TANGO6: variants seen among roughly 807,000 people sequenced by gnomAD.
The protein encoded by TANGO6 is transport and golgi organization 6 homolog.
In TANGO6, 90 loss-of-function variants were observed where a neutral mutation model predicts 114.2. The ratio of observed to expected loss-of-function variants is 0.79; its 90% CI spans 0.66 to 0.94. The LOEUF is 0.94. TANGO6 is among the 40% of genes least tolerant of loss of function. The pLI, the probability that TANGO6 is intolerant of heterozygous loss-of-function variation, is 0.00. For missense variants in TANGO6, 1,274 were observed against 1,315.3 expected, an observed-to-expected ratio of 0.97 and a Z score of 0.49; for synonymous variants, 477 against 509.8, an observed-to-expected ratio of 0.94 and a Z score of 0.87.
At chr16:68,941,401 GT>G (rs977754672) in intron 14 of TANGO6, among the ~76,000 whole-genome samples, 11 of 148,598 alleles carry the variant, frequency 7.4e-5, no homozygotes, top group South Asian at 2.1e-4. Flanking sequence ...AATCTATTAG[GT>G]TTTTTTTTTA....
At position 69,030,484 on chromosome 16, in the gene TANGO6, T is replaced by A. The variant is rs951081593; in HGVS notation, c.2994+7505T>A. ...GAGCAGCTGTGCAAAGGGCGTGAGA[T>A]GGCCTGACATGTTTAGGAAGGTTCC... On this transcript the variant is annotated intron_variant, in intron 16 of 17. Transcript: ENST00000261778. Among the ~76,000 whole-genome samples the A allele has an allele frequency of 2.0e-5, 3 of 151,800 alleles. No homozygotes were observed. In the Admixed American group the frequency reaches 2.0e-4, roughly 10 times the overall value.
chr16:68,983,990 G>A (rs978657110), intron 15 of TANGO6, among the ~76,000 whole-genome samples: 20 of 149,942 alleles, frequency 1.3e-4, no homozygotes, highest in African/African-American at 3.9e-4. Flanking sequence ...CCGAGATCAC[G>A]CCACTGCTCT....
intron 17 of TANGO6, among the ~76,000 whole-genome samples, chr16:69,067,328 G>A (rs1332782676): frequency 6.6e-6 from 1 of 151,542 alleles, no homozygotes; most frequent in Non-Finnish European, 1.5e-5. Context: ...GGCCAACATG[G>A]TGAAACCCCA....
At chr16:68,953,880 A>G (rs182102491) in intron 14 of TANGO6, among the ~76,000 whole-genome samples, 57 of 152,198 alleles carry the variant, frequency 3.7e-4, no homozygotes, top group Non-Finnish European at 5.7e-4. Flanking sequence ...ATTTTCCCTG[A>G]CAGCAAGGGA....
chr16:69,048,574 C>G (rs1000780284), intron 17 of TANGO6, among the ~76,000 whole-genome samples: 2 of 151,982 alleles, frequency 1.3e-5, no homozygotes, highest in Admixed American at 1.3e-4. Flanking sequence ...CTGAGGCAAA[C>G]TCAGGCCTCC....
At chr16:68,883,415 G>GT (rs1315553883) in intron 7 of TANGO6, among the ~76,000 whole-genome samples, 6 of 151,814 alleles carry the variant, frequency 4.0e-5, no homozygotes, top group East Asian at 3.9e-4. Context: ...TACAATATGT[G>GT]TTTTTTTTGT....
At chr16:68,869,739 G>A (rs1354267650) in intron 4 of TANGO6, among the ~76,000 whole-genome samples, 1 of 152,062 alleles carries the variant, frequency 6.6e-6, no homozygotes, top group Non-Finnish European at 1.5e-5. Flanking sequence ...CTTTTTTTAT[G>A]GAAATGGCAT....
chr16:68,894,161 C>T (rs961463719), intron 7 of TANGO6, among the ~76,000 whole-genome samples: 6 of 152,174 alleles, frequency 3.9e-5, no homozygotes, highest in Non-Finnish European at 2.9e-5. Flanking sequence ...TGGCTGAGTT[C>T]GAAATGCAGC....
At chr16:69,011,385 T>C (rs1025659269) in intron 15 of TANGO6, among the ~76,000 whole-genome samples, 5 of 152,198 alleles carry the variant, frequency 3.3e-5, no homozygotes, top group African/African-American at 1.2e-4. Context: ...ATGACCTGTT[T>C]TAGTGAATTA....
intron 17 of TANGO6, among the ~76,000 whole-genome samples, chr16:69,075,793 C>CTCA (rs1192779617): frequency 1.4e-5 from 2 of 143,832 alleles, no homozygotes; most frequent in African/African-American, 5.2e-5. Context: ...GAGACAGAGT[C>CTCA]TCACTCTGTG....
chr16:68,866,620 A>G (rs1224903147), intron 3 of TANGO6, among the ~76,000 whole-genome samples: 1 of 126,534 alleles, frequency 7.9e-6, no homozygotes, highest in African/African-American at 3.0e-5. Flanking sequence ...ACAGAGCAAG[A>G]CTCCGTCTCA....
chr16:69,056,997 C>CTTTTTTTTTT (rs71148961), intron 17 of TANGO6, among the ~76,000 whole-genome samples: 7 of 59,862 alleles, frequency 1.2e-4, no homozygotes, highest in Non-Finnish European at 1.5e-4. Flanking sequence ...GCCTGATTTT[C>CTTTTTTTTTT]TTTTTTTTTT....
chr16:68,902,584 G>A (rs1962800411), intron 9 of TANGO6, 80 bp downstream of exon 9: 3 of 1,310,402 alleles, frequency 2.3e-6, no homozygotes, highest in African/African-American at 1.5e-5. Context: ...CCACTAAGGG[G>A]CGCTGATAGA....
chr16:69,028,142 T>A (rs1232118731), intron 16 of TANGO6, among the ~76,000 whole-genome samples: 1 of 152,040 alleles, frequency 6.6e-6, no homozygotes, highest in Non-Finnish European at 1.5e-5. Context: ...GTGTTTTTAG[T>A]AGAGATGGGG....
intron 7 of TANGO6, among the ~76,000 whole-genome samples, chr16:68,881,097 T>C (rs1469370495): frequency 6.6e-6 from 1 of 152,230 alleles, no homozygotes; most frequent in Non-Finnish European, 1.5e-5. Flanking sequence ...CAAGCTGACC[T>C]TTTTAAGTGA....
intron 15 of TANGO6, among the ~76,000 whole-genome samples, chr16:68,985,639 G>A (rs1214948530): frequency 1.3e-5 from 2 of 152,128 alleles, no homozygotes; most frequent in Non-Finnish European, 2.9e-5. Context: ...CCTGAGCCCG[G>A]GAGGTCAAGG....
chr16:69,083,776 CG>C lies in TANGO6; in HGVS notation c.*119del, dbSNP rs1029290899. On this transcript the variant is annotated 3_prime_UTR_variant, in exon 18 of 18. Transcript: ENST00000261778. Reference sequence around the variant, plus strand: ...GAGTGCTGGCAGCATGGCTGACCCTCGGGGTGGTTTTATGGTGCAGGTCACT... The same window carrying C: ...GAGTGCTGGCAGCATGGCTGACCCTCGGGTGGTTTTATGGTGCAGGTCACT... 3 of 1,260,792 alleles carry C rather than the reference CG, an allele frequency of 2.4e-6. No homozygotes were observed. The highest frequency in any genetic ancestry group is 1.5e-5 in the African/African-American group (1 of 66,532). 78.1% of individuals were successfully genotyped at this position (1,260,792 alleles called of 1,614,324 possible).
At chr16:68,857,002 A>G (rs995024885) in intron 1 of TANGO6, among the ~76,000 whole-genome samples, 1 of 152,214 alleles carries the variant, frequency 6.6e-6, no homozygotes, top group Non-Finnish European at 1.5e-5. Context: ...CCAGCTACTC[A>G]GGAGGCTGAG....
chr16:68,927,303 A>G (rs371384038), intron 12 of TANGO6, among the ~76,000 whole-genome samples: 1 of 152,188 alleles, frequency 6.6e-6, no homozygotes, highest in Non-Finnish European at 1.5e-5. Context: ...TGTAGATAAT[A>G]ATAGTCATTA....
Sources: gnomAD v4.1 joint callset for allele counts (sites outside exome capture counted in the v4.1 genomes callset) on GRCh38, gnomAD v4.1.1 for gene constraint, MANE v1.5 for transcripts, NCBI Gene and HGNC (gene_info 2026-07-23, HGNC 2026-07-21) for gene names.